Variants in CADPS observed in about 807,000 individuals in gnomAD.
The protein encoded by CADPS is calcium-dependent secretion activator 1.
CADPS carries 57 observed loss-of-function variants against 167.3 expected under a neutral mutation model. That is an observed-to-expected ratio of 0.34 (90% CI 0.28 to 0.42). The LOEUF is 0.42. Ranked by LOEUF, CADPS falls within the 20% of genes least tolerant of loss-of-function variation. The pLI, the probability that CADPS is intolerant of heterozygous loss-of-function variation, is 1.00. For synonymous variants in CADPS, 676 were observed against 635.3 expected (o/e 1.06, Z -0.96); for missense variants, 1,414 against 1,738.1 (o/e 0.81, Z 3.32).
chr3:62,480,796 C>A (rs1026492189), intron 22 of CADPS, among the ~76,000 whole-genome samples: 1 of 152,172 alleles, frequency 6.6e-6, no homozygotes, highest in African/African-American at 2.4e-5. Flanking sequence ...GGTACAGAAT[C>A]GCTAAACCTT....
chr3:62,716,176 C>T (rs2084559747), intron 3 of CADPS, among the ~76,000 whole-genome samples: 1 of 152,142 alleles, frequency 6.6e-6, no homozygotes, highest in African/African-American at 2.4e-5. Flanking sequence ...TCTCGTGCAT[C>T]AGCCTCCCAA....
At position 62,599,489 on chromosome 3, in the gene CADPS, A is replaced by G. The variant is rs1384478614; in HGVS notation, c.1326-6741T>C. The stretch of plus-strand genomic sequence containing the variant: ...GTGCTTTACTGTGGTTTCTTTTATT[A>G]TATATATATTTTATATATATTATAT... On this transcript the variant is annotated intron_variant, in intron 6 of 29. Coordinates refer to ENST00000383710, the MANE Select transcript of CADPS (RefSeq NM_003716.4). 5.5e-5 allele frequency among the ~76,000 whole-genome samples: 6 copies of G among 109,320 alleles called. No individual in the cohort carries two copies. In the East Asian group the frequency reaches 1.5e-3, roughly 27 times the overall value. The allele number at this position is 109,320 out of a possible 152,430, so 71.7% of individuals were successfully genotyped here. A position where few individuals can be genotyped will look rare whatever the true frequency, so the allele number is the denominator to read the frequency against.
intron 1 of CADPS, among the ~76,000 whole-genome samples, chr3:62,777,403 G>A (rs1338141863): frequency 1.3e-5 from 2 of 152,186 alleles, no homozygotes; most frequent in East Asian, 3.8e-4. Context: ...GGAGGAATGT[G>A]GAGACCTTGG....
chr3:62,634,450 A>AT (rs1255157429), intron 6 of CADPS, among the ~76,000 whole-genome samples: 3 of 152,174 alleles, frequency 2.0e-5, no homozygotes, highest in African/African-American at 7.2e-5. Context: ...ACATATGAAG[A>AT]TTTTTTACTC....
At chr3:62,734,790 T>G (rs1392889009) in intron 3 of CADPS, among the ~76,000 whole-genome samples, 1 of 152,208 alleles carries the variant, frequency 6.6e-6, no homozygotes. Flanking sequence ...GGTGGTCAAA[T>G]ACGCTCATTT....
intron 6 of CADPS, among the ~76,000 whole-genome samples, chr3:62,643,620 T>C (rs1394248789): frequency 1.3e-5 from 2 of 152,230 alleles, no homozygotes; most frequent in Non-Finnish European, 2.9e-5. Flanking sequence ...AATCAACTCA[T>C]GATTTACCCT....
intron 6 of CADPS, among the ~76,000 whole-genome samples, chr3:62,611,899 G>T (rs1177951714): frequency 6.6e-6 from 1 of 152,050 alleles, no homozygotes; most frequent in Non-Finnish European, 1.5e-5. Flanking sequence ...ATCACTTATT[G>T]CCACCCGACA....
chr3:62,594,190 C>A (rs1399371586), intron 6 of CADPS, among the ~76,000 whole-genome samples: 11 of 137,452 alleles, frequency 8.0e-5, no homozygotes, highest in Admixed American at 5.6e-4. Flanking sequence ...GAGACAGAGT[C>A]TCGCTCTGTC....
intron 3 of CADPS, among the ~76,000 whole-genome samples, chr3:62,689,918 G>A (rs1157565818): frequency 6.6e-6 from 1 of 151,968 alleles, no homozygotes; most frequent in African/African-American, 2.4e-5. Flanking sequence ...AAGTATGTTC[G>A]AGGAGATCCC....
chr3:62,432,536 C>T (rs1381680053), intron 28 of CADPS, among the ~76,000 whole-genome samples: 2 of 152,100 alleles, frequency 1.3e-5, no homozygotes, highest in Non-Finnish European at 2.9e-5. Flanking sequence ...AGCACCTTAA[C>T]ATGAATATGA....
At chr3:62,781,049 C>G (rs1184713549) in intron 1 of CADPS, among the ~76,000 whole-genome samples, 1 of 152,138 alleles carries the variant, frequency 6.6e-6, no homozygotes, top group East Asian at 1.9e-4. Context: ...CAATTTGCTT[C>G]ATTATCTGTG....
chr3:62,639,748 G>A (rs2067041566), intron 6 of CADPS, among the ~76,000 whole-genome samples: 1 of 152,072 alleles, frequency 6.6e-6, no homozygotes, highest in African/African-American at 2.4e-5. Flanking sequence ...TAAACCCTTT[G>A]CGTGGCCCCT....
intron 26 of CADPS, among the ~76,000 whole-genome samples, chr3:62,452,473 T>G (rs1191043474): frequency 2.0e-5 from 3 of 152,220 alleles, no homozygotes; most frequent in African/African-American, 7.2e-5. Context: ...TTTAGACAGT[T>G]CTATTGGACA....
At chr3:62,797,759 C>T (rs2093523985) in intron 1 of CADPS, among the ~76,000 whole-genome samples, 1 of 151,654 alleles carries the variant, frequency 6.6e-6, no homozygotes, top group African/African-American at 2.4e-5. Context: ...TGTAACTGAC[C>T]CCCAGGACAC....
At chr3:62,872,209 A>G (rs1251282631) in intron 1 of CADPS, among the ~76,000 whole-genome samples, 1 of 152,180 alleles carries the variant, frequency 6.6e-6, no homozygotes. Flanking sequence ...GACTAACTTT[A>G]GCTCATCAAC....
rs1701015542 is a variant in CADPS, at chr3:62,602,989, T to A, written c.1326-10241A>T. On this transcript the variant is annotated intron_variant, in intron 6 of 29. Transcript: ENST00000383710. This position sits in a 1 kb window ranked among gnomAD's most constrained non-coding sequence, Gnocchi z 4.4. ...CTATGGAGAAAAAGAAAGCAGAAAA[T>A]GGCATTTGGAAGTACCAGGAAGCAG... 6.6e-6 allele frequency among the ~76,000 whole-genome samples: 1 copy of A among 152,124 alleles called. No homozygotes were observed. The highest frequency in any genetic ancestry group is 2.1e-4 in the South Asian group (1 of 4,828).
At chr3:62,462,292 T>C (rs1205471683) in intron 26 of CADPS, among the ~76,000 whole-genome samples, 1 of 152,236 alleles carries the variant, frequency 6.6e-6, no homozygotes. Flanking sequence ...GAGGGTGCGC[T>C]TGGGCGCCTC....
chr3:62,507,284 C>A (rs1298085152), intron 17 of CADPS, among the ~76,000 whole-genome samples: 3 of 152,172 alleles, frequency 2.0e-5, no homozygotes, highest in East Asian at 3.9e-4. Context: ...GGCACTATCC[C>A]CTGCTCTGCA....
At chr3:62,706,674 C>T (rs919173379) in intron 3 of CADPS, among the ~76,000 whole-genome samples, 5 of 152,030 alleles carry the variant, frequency 3.3e-5, no homozygotes, top group Non-Finnish European at 5.9e-5. Flanking sequence ...GAATTAACAC[C>T]CTCATCTTTG....
Sources: allele counts gnomAD v4.1 joint callset (sites outside exome capture counted in the v4.1 genomes callset), GRCh38; gene constraint gnomAD v4.1.1; non-coding constraint Gnocchi (gnomAD v3.1); transcripts MANE v1.5; gene names NCBI Gene and HGNC (gene_info 2026-07-23, HGNC 2026-07-21).